The following CLIC2 variants were observed in gnomAD, a reference collection of about 807,000 sequenced individuals.
CLIC2 encodes the protein CLIC family member 2.
A neutral mutation model predicts 14.8 loss-of-function variants in CLIC2; 9 were observed. The observed-to-expected ratio is 0.61, with a 90% CI of 0.37 to 1.06. The LOEUF is 1.06. Among genes scored for constraint, CLIC2 ranks in the 50% least tolerant of loss-of-function variants. The pLI, the probability that CLIC2 is intolerant of heterozygous loss-of-function variation, is 0.01. For missense variants in CLIC2, 148 were observed against 181.4 expected (o/e 0.82, Z 1.06); for synonymous variants, 61 against 66.3 (o/e 0.92, Z 0.39).
At position 155,277,820 on chromosome X, in the gene CLIC2, A is replaced by G. The variant is rs2074903830; in HGVS notation, c.*83T>C. On this transcript the variant is annotated 3_prime_UTR_variant, in exon 6 of 6. Transcript: ENST00000369449. ...GGATAGAAGAAACAGTATTTTTCAT[A>G]TTCTTATTTGCAAAAACCTTTCTAA... 1.2e-6 allele frequency: 1 copy of G among 843,371 alleles called. No homozygotes were observed. The highest frequency in any genetic ancestry group is 2.1e-5 in the South Asian group (1 of 47,548). 69.5% of individuals were successfully genotyped at this position (843,371 alleles called of 1,213,427 possible). A position where few individuals can be genotyped will look rare whatever the true frequency, so the allele number is the denominator to read the frequency against.
chrX:155,334,535 A>C lies in CLIC2; in HGVS notation c.-108T>G. Reference sequence around the variant, plus strand: ...AAGACTCAAGTAATGTTGGTGCTTTAAGAAGACCGTCTAGCTTGTAGTGGA... The same window carrying C: ...AAGACTCAAGTAATGTTGGTGCTTTCAGAAGACCGTCTAGCTTGTAGTGGA... On this transcript the variant is annotated 5_prime_UTR_variant, in exon 1 of 6. Coordinates refer to ENST00000369449, the MANE Select transcript of CLIC2 (RefSeq NM_001289.6). The C allele has an allele frequency of 1.5e-6, 1 of 680,769 alleles. No homozygotes were observed. Among genetic ancestry groups the C allele is most frequent in the South Asian group, 2.2e-5 (1 of 45,288 alleles). 56.1% of individuals were successfully genotyped at this position (680,769 alleles called of 1,213,427 possible).
chrX:155,279,793 T>C (rs1397834845), intron 4 of CLIC2, among the ~76,000 whole-genome samples, 169 bp downstream of exon 4: 4 of 111,731 alleles, frequency 3.6e-5, no homozygotes, highest in Admixed American at 9.5e-5. Flanking sequence ...TCTTGAGTTC[T>C]AAATCTAATA....
chrX:155,305,181 C>A lies in CLIC2; in HGVS notation c.58-6036G>T, dbSNP rs781968163. On this transcript the variant is annotated intron_variant, in intron 1 of 5. Coordinates refer to ENST00000369449, the MANE Select transcript of CLIC2 (RefSeq NM_001289.6). ...ATGGCGGGCGCCCCTCCCCCAGCCTCGCTGCCACCTTGCAGTTTGATCTCA... is the reference window on the plus strand; with the variant it reads ...ATGGCGGGCGCCCCTCCCCCAGCCTAGCTGCCACCTTGCAGTTTGATCTCA... Among the ~76,000 whole-genome samples the A allele has an allele frequency of 3.6e-5, 4 of 112,097 alleles. No homozygotes were observed. The East Asian group carries it at 1.1e-3, about 32-fold the overall frequency.
intron 3 of CLIC2, among the ~76,000 whole-genome samples, chrX:155,288,640 T>C (rs1212156298): frequency 8.9e-6 from 1 of 111,800 alleles, no homozygotes; most frequent in Non-Finnish European, 1.9e-5. Context: ...GAACAACTTA[T>C]ATCTTTAATA....
rs1049386407 is a variant in CLIC2 at position 155,309,871 on chromosome X, C to G, written c.58-10726G>C. ...TCTGCCCCTGGCCCCTCCCAAATCT[C>G]ATGTCTTCACATTTCAAAACCAATT... On this transcript the variant is annotated intron_variant, in intron 1 of 5. Transcript: ENST00000369449. Among the ~76,000 whole-genome samples the G allele has an allele frequency of 2.7e-5, 3 of 111,756 alleles. No individual in the cohort carries two copies. The East Asian group carries it at 8.4e-4, about 31-fold the overall frequency.
intron 1 of CLIC2, among the ~76,000 whole-genome samples, chrX:155,300,157 CT>C (rs1398901601): frequency 9.1e-6 from 1 of 109,633 alleles, no homozygotes; most frequent in African/African-American, 3.3e-5. Flanking sequence ...GCCACACTGA[CT>C]TCCACAATGG....
intron 1 of CLIC2, among the ~76,000 whole-genome samples, chrX:155,311,718 G>GCACTGCCAC (rs1399059876): frequency 3.6e-5 from 4 of 111,725 alleles, no homozygotes; most frequent in Non-Finnish European, 7.5e-5. Flanking sequence ...CCGACACTGG[G>GCACTGCCAC]CAATTTACAA....
chrX:155,291,224 G>A (rs2074963665), intron 3 of CLIC2: 4 of 967,584 alleles, frequency 4.1e-6, no homozygotes, highest in African/African-American at 3.8e-5. Flanking sequence ...AATCATAATC[G>A]TTATCCCAGG....
intron 1 of CLIC2, among the ~76,000 whole-genome samples, chrX:155,323,072 C>A (rs980591234): frequency 8.9e-6 from 1 of 112,076 alleles, no homozygotes; most frequent in African/African-American, 3.2e-5. Context: ...CAGGATCAGA[C>A]GGATTCACAG....
chrX:155,294,993 G>A (rs1465423302), intron 3 of CLIC2, among the ~76,000 whole-genome samples: 3 of 111,732 alleles, frequency 2.7e-5, no homozygotes, highest in Non-Finnish European at 5.7e-5. Context: ...TGGAAGAGGA[G>A]AGAACTCTCC....
chrX:155,311,794 G>T (rs1476281654), intron 1 of CLIC2, among the ~76,000 whole-genome samples: 5 of 111,885 alleles, frequency 4.5e-5, no homozygotes, highest in Non-Finnish European at 9.4e-5. Flanking sequence ...ATGGCAGAAG[G>T]TGAAAGGCAC....
chrX:155,325,720 CA>C (rs1467589166), intron 1 of CLIC2, among the ~76,000 whole-genome samples: 3 of 94,675 alleles, frequency 3.2e-5, no homozygotes, highest in Non-Finnish European at 4.2e-5. Context: ...ACGTTCTGCA[CA>C]TGCATCCAAG....
chrX:155,291,266 A>G, intron 3 of CLIC2: 1 of 927,612 alleles, frequency 1.1e-6, no homozygotes, highest in Non-Finnish European at 1.6e-6. Flanking sequence ...TGATCCAATC[A>G]TAAGTTGCCC....
intron 3 of CLIC2, among the ~76,000 whole-genome samples, chrX:155,283,107 T>C (rs2074926175): frequency 8.9e-6 from 1 of 112,333 alleles, no homozygotes; most frequent in African/African-American, 3.2e-5. Context: ...CCCCAGATTT[T>C]GGGCAACTGT....
chrX:155,304,338 C>A (rs1557319628), intron 1 of CLIC2, among the ~76,000 whole-genome samples: 2 of 99,960 alleles, frequency 2.0e-5, no homozygotes, highest in Admixed American at 1.1e-4. Context: ...ATTTCATCTT[C>A]CATTGCTGAT....
intron 3 of CLIC2, among the ~76,000 whole-genome samples, chrX:155,281,091 TA>T (rs2074917523): frequency 9.3e-6 from 1 of 107,047 alleles, no homozygotes; most frequent in Non-Finnish European, 1.9e-5. Flanking sequence ...TGGAGGACGT[TA>T]TGTTAAGTGA....
chrX:155,285,306 C>A (rs904627374), intron 3 of CLIC2, among the ~76,000 whole-genome samples: 1 of 111,673 alleles, frequency 9.0e-6, no homozygotes, highest in Non-Finnish European at 1.9e-5. Flanking sequence ...TGTGTGTTAT[C>A]GAATCTTCAC....
rs151219352 is a variant in CLIC2, at chrX:155,288,379, A to G, written c.294-8311T>C. On this transcript the variant is annotated intron_variant, in intron 3 of 5. Transcript: ENST00000369449. ...TTCAGCAATCATAGGTTTAATAATA[A>G]TTAGTTTAAGACTATAATCACATCT... Among the ~76,000 whole-genome samples, 367 of 112,355 alleles carry G rather than the reference A, an allele frequency of 3.3e-3. 7 individuals are homozygous for G. Among genetic ancestry groups the G allele is most frequent in the Admixed American group, 0.024 (253 of 10,593 alleles).
chrX:155,293,426 T>C, intron 3 of CLIC2: 2 of 693,985 alleles, frequency 2.9e-6, no homozygotes, highest in Non-Finnish European at 2.3e-6. Context: ...CCTTCTTGCC[T>C]GGATATAAAG....
Sources: gnomAD v4.1 joint callset for allele counts (sites outside exome capture counted in the v4.1 genomes callset) on GRCh38, gnomAD v4.1.1 for gene constraint, MANE v1.5 for transcripts, NCBI Gene and HGNC (gene_info 2026-07-23, HGNC 2026-07-21) for gene names.